Variants in RGS7 observed in about 807,000 individuals in gnomAD.
RGS7 encodes the protein regulator of G-protein signaling 7.
Under a neutral mutation model 81.1 loss-of-function variants are expected in RGS7, and 27 were observed. That is an observed-to-expected ratio of 0.33 (90% CI 0.25 to 0.46). The LOEUF (loss-of-function observed/expected upper bound fraction) is 0.46, where lower values mean the gene tolerates loss of function less well. Among genes scored for constraint, RGS7 ranks in the 20% least tolerant of loss-of-function variants. The pLI is 1.00. For missense variants in RGS7, 396 were observed against 607.4 expected, an observed-to-expected ratio of 0.65 and a Z score of 3.66; for synonymous variants, 208 against 207.7, an observed-to-expected ratio of 1.00 and a Z score of -0.01.
At chr1:241,348,930 A>T (rs1018945951) in intron 2 of RGS7, among the ~76,000 whole-genome samples, 55 of 152,322 alleles carry the variant, frequency 3.6e-4, no homozygotes, top group African/African-American at 1.2e-3. Context: ...TTATCAAAAA[A>T]TATGGTAACA....
rs73123939 is a variant in RGS7 at position 241,296,541 on chromosome 1, C to T, written c.78+59158G>A. Among the ~76,000 whole-genome samples, 460 of 152,340 alleles carry T rather than the reference C, an allele frequency of 3.0e-3. 3 individuals carry two copies. The highest frequency in any genetic ancestry group is 0.011 in the African/African-American group (439 of 41,578). On this transcript the variant is annotated intron_variant, in intron 2 of 18. Transcript: ENST00000440928. ...TGTGGGAACTACCATTTTAAAAACA[C>T]ATCTGGAGTCCAATATCCTAAGTGT...
intron 2 of RGS7, among the ~76,000 whole-genome samples, chr1:241,241,489 G>A (rs543816476): frequency 2.9e-4 from 44 of 152,256 alleles, no homozygotes; most frequent in African/African-American, 1.0e-3. Flanking sequence ...AAACACCACA[G>A]AGCAAAGGCA....
At chr1:241,185,739 A>G (rs1011992326) in intron 2 of RGS7, among the ~76,000 whole-genome samples, 6 of 152,184 alleles carry the variant, frequency 3.9e-5, no homozygotes, top group African/African-American at 1.2e-4. Flanking sequence ...CTAAATAACC[A>G]TAAGCCAAAG....
chr1:240,920,475 A>T, intron 6 of RGS7: 1 of 985,560 alleles, frequency 1.0e-6, no homozygotes, highest in Non-Finnish European at 1.6e-6. Context: ...TTTTGGACCC[A>T]TGAAGCGAGG....
At chr1:240,910,080 C>T (rs1257019354) in intron 6 of RGS7, among the ~76,000 whole-genome samples, 3 of 152,088 alleles carry the variant, frequency 2.0e-5, no homozygotes, top group Non-Finnish European at 2.9e-5. Flanking sequence ...TGCTTGCTTT[C>T]GTGTTTTTAT....
chr1:240,916,907 A>G (rs1473056948), intron 6 of RGS7, among the ~76,000 whole-genome samples: 2 of 152,200 alleles, frequency 1.3e-5, no homozygotes, highest in African/African-American at 4.8e-5. Flanking sequence ...AGGAAACTCA[A>G]ACAACACCAA....
In RGS7 at chr1:241,295,219, C is replaced by T. The variant is rs192507426; in HGVS notation, c.78+60480G>A. ...ATCCCAGCACTTTGGGAGGCCAAGG[C>T]GGGCGGATCACAAGGTCAGGAGTTC... On this transcript the variant is annotated intron_variant, in intron 2 of 18. Transcript: ENST00000440928. 5.9e-5 allele frequency among the ~76,000 whole-genome samples: 9 copies of T among 151,994 alleles called. No homozygotes were observed. The East Asian group carries it at 7.8e-4, about 13-fold the overall frequency.
intron 2 of RGS7, among the ~76,000 whole-genome samples, chr1:241,180,369 C>T (rs7521859): frequency 0.73 from 110,951 of 151,334 alleles, 41,955 homozygotes; most frequent in Middle Eastern, 0.83. Context: ...AGCGAGACTC[C>T]ATCTCAAAAA....
intron 3 of RGS7, among the ~76,000 whole-genome samples, chr1:241,088,644 C>T (rs903007295): frequency 1.3e-5 from 2 of 152,052 alleles, no homozygotes; most frequent in African/African-American, 4.8e-5. Flanking sequence ...ACTAAACTTC[C>T]ACCGTAATAC....
intron 2 of RGS7, among the ~76,000 whole-genome samples, chr1:241,217,208 T>C (rs961679100): frequency 6.6e-6 from 1 of 152,070 alleles, no homozygotes. Flanking sequence ...GTGCACATAT[T>C]GAGGAAAGGC....
chr1:240,906,644 T>C (rs752493067), intron 6 of RGS7, among the ~76,000 whole-genome samples: 1 of 152,226 alleles, frequency 6.6e-6, no homozygotes, highest in Non-Finnish European at 1.5e-5. Flanking sequence ...AGGAGTACAA[T>C]GTGTTATCAC....
intron 18 of RGS7, among the ~76,000 whole-genome samples, chr1:240,786,378 T>TG (rs761631967): frequency 4.1e-4 from 63 of 152,316 alleles, no homozygotes; most frequent in Middle Eastern, 6.8e-3. Flanking sequence ...CAATTACCCA[T>TG]GTTATGGATG....
intron 6 of RGS7, among the ~76,000 whole-genome samples, chr1:240,913,427 G>T (rs1396812581): frequency 6.6e-6 from 1 of 152,104 alleles, no homozygotes; most frequent in African/African-American, 2.4e-5. Context: ...GTTTTGAAAT[G>T]ACAAAAACTT....
intron 2 of RGS7, among the ~76,000 whole-genome samples, chr1:241,214,185 T>TGGGG (rs1330725819): frequency 1.3e-5 from 2 of 152,192 alleles, no homozygotes; most frequent in East Asian, 3.8e-4. Context: ...CCTTGAGCAT[T>TGGGG]TCTCATGTTA....
At chr1:240,964,429 A>G (rs1376308694) in intron 4 of RGS7, among the ~76,000 whole-genome samples, 1 of 152,132 alleles carries the variant, frequency 6.6e-6, no homozygotes, top group Non-Finnish European at 1.5e-5. Context: ...AGAATTTCAG[A>G]TAGACACGGG....
chr1:241,247,017 C>T (rs1014346374), intron 2 of RGS7, among the ~76,000 whole-genome samples: 1 of 151,824 alleles, frequency 6.6e-6, no homozygotes, highest in Non-Finnish European at 1.5e-5. Context: ...TTGCAAAAGA[C>T]TAAAATTACT....
At chr1:240,876,591 G>T (rs1017732080) in intron 6 of RGS7, among the ~76,000 whole-genome samples, 2 of 152,180 alleles carry the variant, frequency 1.3e-5, no homozygotes, top group Non-Finnish European at 2.9e-5. Context: ...GAGTGAAAGA[G>T]AGCTGCTGGT....
chr1:240,848,480 T>C (rs75659302), intron 9 of RGS7, among the ~76,000 whole-genome samples: 4,314 of 152,106 alleles, frequency 0.028, 206 homozygotes, highest in African/African-American at 0.095. Flanking sequence ...AAAGGAATAA[T>C]AAGACCAAAA....
Position 241,259,519 on chromosome 1 carries a change from G to T in RGS7, c.78+96180C>A, listed in dbSNP as rs560161860. Among the ~76,000 whole-genome samples, 2 of 151,156 alleles carry T rather than the reference G, an allele frequency of 1.3e-5. 1 individual carries two copies. The highest frequency in any genetic ancestry group is 1.3e-4 in the Admixed American group (2 of 15,146). ...TACAAAATTAGTCAAGCGTGGTGGT[G>T]CATGCCTGTAATCTCAGCTACTCGG... On this transcript the variant is annotated intron_variant, in intron 2 of 18. Transcript: ENST00000440928.
Sources: gnomAD v4.1 joint callset for allele counts (sites outside exome capture counted in the v4.1 genomes callset) on GRCh38, gnomAD v4.1.1 for gene constraint, MANE v1.5 for transcripts, NCBI Gene and HGNC (gene_info 2026-07-23, HGNC 2026-07-21) for gene names.